TSPAN9: variants seen among roughly 807,000 people sequenced by gnomAD.
TSPAN9 encodes tetraspanin-9.
Under a neutral mutation model 31.0 loss-of-function variants are expected in TSPAN9, and 16 were observed. That is an observed-to-expected ratio of 0.52 (90% CI 0.35 to 0.78). The LOEUF (loss-of-function observed/expected upper bound fraction) is 0.78. TSPAN9 is among the 30% of genes least tolerant of loss of function. The probability of loss-of-function intolerance (pLI) is 0.01; values close to 1 mark genes in which losing one functional copy is unlikely to be tolerated. For synonymous variants in TSPAN9, 145 were observed against 121.6 expected, an observed-to-expected ratio of 1.19 and a Z score of -1.27; for missense variants, 272 against 312.5, an observed-to-expected ratio of 0.87 and a Z score of 0.98.
At chr12:3,202,377 A>G (rs2098372437) in intron 3 of TSPAN9, among the ~76,000 whole-genome samples, 1 of 152,166 alleles carries the variant, frequency 6.6e-6, no homozygotes, top group East Asian at 1.9e-4. Flanking sequence ...AGTTGTGCCG[A>G]AGAGGCATTC....
chr12:3,233,715 T>G (rs1385224433), intron 3 of TSPAN9, among the ~76,000 whole-genome samples: 1 of 152,260 alleles, frequency 6.6e-6, no homozygotes, highest in Non-Finnish European at 1.5e-5. Context: ...CATCTTTGAC[T>G]GTGTACATTT....
chr12:3,277,194 A>C (rs1483876070), intron 3 of TSPAN9, among the ~76,000 whole-genome samples: 3 of 152,208 alleles, frequency 2.0e-5, no homozygotes, highest in Non-Finnish European at 2.9e-5. Context: ...GCAAGCTCAC[A>C]CCACCAGGAT....
chr12:3,251,690 C>T (rs1027475448), intron 3 of TSPAN9, among the ~76,000 whole-genome samples: 15 of 152,288 alleles, frequency 9.8e-5, no homozygotes, highest in Admixed American at 3.3e-4. Context: ...ACACACAGGA[C>T]GGTGGGTTCC....
intron 3 of TSPAN9, among the ~76,000 whole-genome samples, chr12:3,211,473 C>T (rs1412114119): frequency 6.6e-6 from 1 of 152,134 alleles, no homozygotes; most frequent in South Asian, 2.1e-4. Flanking sequence ...GCATACATTT[C>T]AGAATTAGTT....
chr12:3,254,161 G>C (rs1006133679), intron 3 of TSPAN9, among the ~76,000 whole-genome samples: 6 of 152,228 alleles, frequency 3.9e-5, no homozygotes, highest in African/African-American at 7.2e-5. Context: ...AAATGGTGCT[G>C]ACAGTAGTCA....
chr12:3,236,979 TGAA>T (rs1405552660), intron 3 of TSPAN9, among the ~76,000 whole-genome samples: 27 of 152,018 alleles, frequency 1.8e-4, no homozygotes, highest in African/African-American at 6.3e-4. Flanking sequence ...AGCACACATG[TGAA>T]ATGACTGCGA....
intron 1 of TSPAN9, among the ~76,000 whole-genome samples, chr12:3,082,052 C>T (rs1439549611): frequency 6.6e-6 from 1 of 151,906 alleles, no homozygotes; most frequent in Non-Finnish European, 1.5e-5. Context: ...AAAAGATAAA[C>T]GTCCTTATCT....
rs145777999 is a variant in TSPAN9 at position 3,225,436 on chromosome 12, G to A, written c.63+24180G>A. Among the ~76,000 whole-genome samples the A allele has an allele frequency of 7.7e-4, 117 of 152,238 alleles. 1 individual carries two copies. The highest frequency in any genetic ancestry group is 2.4e-3 in the African/African-American group (101 of 41,554). The stretch of plus-strand genomic sequence containing the variant: ...AGTGAGGCCTGCAGAGACTGAAGGC[G>A]CTTGGAGGGAAGGTTGTCACACTCA... On this transcript the variant is annotated intron_variant, in intron 3 of 8. Coordinates refer to ENST00000011898, the MANE Select transcript of TSPAN9 (RefSeq NM_006675.5).
chr12:3,117,915 G>A (rs531996243), intron 2 of TSPAN9, among the ~76,000 whole-genome samples: 29 of 152,218 alleles, frequency 1.9e-4, no homozygotes, highest in African/African-American at 6.5e-4. Flanking sequence ...CTGCGGAGCT[G>A]TCACCTCAGG....
At chr12:3,215,842 C>T (rs1456197746) in intron 3 of TSPAN9, among the ~76,000 whole-genome samples, 1 of 151,944 alleles carries the variant, frequency 6.6e-6, no homozygotes, top group East Asian at 1.9e-4. Flanking sequence ...TCCACCGGGA[C>T]CTCTCCGTCT....
chr12:3,115,462 A>G (rs2098321787), intron 2 of TSPAN9, among the ~76,000 whole-genome samples: 1 of 152,194 alleles, frequency 6.6e-6, no homozygotes, highest in African/African-American at 2.4e-5. Flanking sequence ...GTGGAATTGC[A>G]GGTGGTCTTA....
intron 2 of TSPAN9, among the ~76,000 whole-genome samples, chr12:3,186,970 A>G (rs998213091): frequency 4.6e-5 from 7 of 152,154 alleles, no homozygotes; most frequent in Non-Finnish European, 8.8e-5. Context: ...AGTAATTAGA[A>G]CATTTGCCTG....
At chr12:3,225,620 A>G (rs2098386805) in intron 3 of TSPAN9, among the ~76,000 whole-genome samples, 2 of 152,088 alleles carry the variant, frequency 1.3e-5, no homozygotes, top group African/African-American at 2.4e-5. Flanking sequence ...GTACCCCTGC[A>G]CAGTGCCTGA....
At chr12:3,273,309 T>G (rs1323154774) in intron 3 of TSPAN9, 1 of 152,268 alleles carries the variant, frequency 6.6e-6, no homozygotes, top group Non-Finnish European at 1.5e-5. Flanking sequence ...TGATTTGAAG[T>G]TATTTTGAAA....
intron 3 of TSPAN9, among the ~76,000 whole-genome samples, chr12:3,205,723 C>CA (rs1555151741): frequency 9.9e-6 from 1 of 101,368 alleles, no homozygotes; most frequent in African/African-American, 3.0e-5. Context: ...CTTAGGCCCC[C>CA]CCCCCCCAGA....
chr12:3,092,792 G>C (rs2098305531), intron 2 of TSPAN9, among the ~76,000 whole-genome samples: 2 of 152,210 alleles, frequency 1.3e-5, no homozygotes, highest in Non-Finnish European at 2.9e-5. Flanking sequence ...TGGACTCCCT[G>C]GGCGCTGAGG....
At chr12:3,096,923 C>A (rs936326931) in intron 2 of TSPAN9, among the ~76,000 whole-genome samples, 1 of 152,166 alleles carries the variant, frequency 6.6e-6, no homozygotes, top group Admixed American at 6.5e-5. Context: ...TGGTCTCGAT[C>A]TTCTCACCTC....
chr12:3,096,834 A>C (rs549558824), intron 2 of TSPAN9, among the ~76,000 whole-genome samples: 1 of 152,130 alleles, frequency 6.6e-6, no homozygotes, highest in Admixed American at 6.5e-5. Context: ...CTGGGACTAC[A>C]GGTGCCCGCC....
rs1406699234 is a variant in TSPAN9 at position 3,280,161 on chromosome 12, G to A, written c.331-221G>A. On this transcript the variant is annotated intron_variant, in intron 5 of 8. Transcript: ENST00000011898. This position sits in a 1 kb window ranked among gnomAD's most constrained non-coding sequence, Gnocchi z 4.5. ...TGCCGGGAGGCGGTGGGTGCACCAG[G>A]GCCTGCTGTATTCTGAAACTGGGAG... 6.6e-6 allele frequency among the ~76,000 whole-genome samples: 1 copy of A among 152,018 alleles called. No homozygotes were observed. Among genetic ancestry groups the A allele is most frequent in the African/African-American group, 2.4e-5 (1 of 41,362 alleles).
Sources: gnomAD v4.1 joint callset for allele counts (sites outside exome capture counted in the v4.1 genomes callset) on GRCh38, gnomAD v4.1.1 for gene constraint, Gnocchi (gnomAD v3.1) non-coding constraint, MANE v1.5 for transcripts, NCBI Gene and HGNC (gene_info 2026-07-23, HGNC 2026-07-21) for gene names.